Variants in CFAP58 observed in about 807,000 individuals in gnomAD.
The protein encoded by CFAP58 is cilia and flagella associated protein 58.
CFAP58 carries 88 observed loss-of-function variants against 119.5 expected under a neutral mutation model. That is an observed-to-expected ratio of 0.74 (90% CI 0.62 to 0.88). The LOEUF (loss-of-function observed/expected upper bound fraction) is 0.88. CFAP58 is among the 40% of genes least tolerant of loss of function. CFAP58 has a pLI of 0.00. For missense variants in CFAP58, 990 were observed against 1,021.2 expected (o/e 0.97, Z 0.42); for synonymous variants, 365 against 366.3 (o/e 1.00, Z 0.04).
chr10:104,418,307 G>C (rs2012586291), intron 15 of CFAP58, among the ~76,000 whole-genome samples: 8 of 152,216 alleles, frequency 5.3e-5, no homozygotes, highest in Admixed American at 5.2e-4. Context: ...CCAGCACTTT[G>C]GGAGGCCGAG....
chr10:104,371,378 T>G (rs1238217607), intron 7 of CFAP58, among the ~76,000 whole-genome samples: 1 of 152,232 alleles, frequency 6.6e-6, no homozygotes, highest in Admixed American at 6.5e-5. Context: ...GCTTTAGTTC[T>G]TCTTTTCCAC....
intron 11 of CFAP58, among the ~76,000 whole-genome samples, chr10:104,395,706 C>A (rs576415780): frequency 3.4e-4 from 52 of 152,164 alleles, no homozygotes; most frequent in Non-Finnish European, 5.9e-4. Context: ...GTCTGCCAAC[C>A]AAAACCCTGA....
At chr10:104,373,601 C>T (rs2014852091) in intron 7 of CFAP58, among the ~76,000 whole-genome samples, 1 of 152,146 alleles carries the variant, frequency 6.6e-6, no homozygotes, top group South Asian at 2.1e-4. Flanking sequence ...TTGCAGTGAA[C>T]TATGATTGCA....
At chr10:104,423,483 T>C (rs1352665247) in intron 15 of CFAP58, among the ~76,000 whole-genome samples, 5 of 152,108 alleles carry the variant, frequency 3.3e-5, no homozygotes, top group Non-Finnish European at 7.4e-5. Flanking sequence ...AGATGCAGAA[T>C]AATATGTTTC....
rs376696998 is a variant in CFAP58, at chr10:104,447,786, G to T, written c.2345G>T (p.Arg782Leu). The change falls in exon 16 of 18, where the codon CGC (arginine) becomes CTC (leucine). Residue 782 changes from arginine to leucine, a missense_variant. Coordinates refer to ENST00000369704, the MANE Select transcript of CFAP58 (RefSeq NM_001008723.2). Reference protein sequence around the residue: ...EAAEQLKLYRRTLHDKKQQLK... With the variant: ...EAAEQLKLYRLTLHDKKQQLK... ...GCGGAACAGCTGAAGCTGTACCGAC[G>T]CACGCTGCATGACAAGAAGCAGCAG... is the stretch of plus-strand genomic sequence containing the variant. The T allele has an allele frequency of 1.2e-6, 2 of 1,613,892 alleles. No homozygotes were observed. Among genetic ancestry groups the T allele is most frequent in the East Asian group, 2.2e-5 (1 of 44,864 alleles).
intron 12 of CFAP58, among the ~76,000 whole-genome samples, chr10:104,400,007 T>C (rs953766808): frequency 1.3e-5 from 2 of 152,116 alleles, no homozygotes; most frequent in Admixed American, 6.6e-5. Flanking sequence ...AGTTGGTCAG[T>C]GCAAGACAGA....
intron 1 of CFAP58, among the ~76,000 whole-genome samples, chr10:104,357,439 A>G (rs1422391646): frequency 6.6e-6 from 1 of 152,158 alleles, no homozygotes; most frequent in Non-Finnish European, 1.5e-5. Context: ...ATGTGATTTC[A>G]TGATATCTAT....
chr10:104,439,704 T>TAAC (rs60040374), intron 15 of CFAP58, among the ~76,000 whole-genome samples: 9,051 of 151,254 alleles, frequency 0.06, 630 homozygotes, highest in African/African-American at 0.16. Flanking sequence ...GACTCTGTCT[T>TAAC]AACAACAACA....
chr10:104,368,572 G>A lies in CFAP58; in HGVS notation c.930+12G>A. ...CGTTGGAGCTCAAAGTAAACACCAA[G>A]TTACATGTCTGTTCCCTAGCTCTTT... On this transcript the variant is annotated intron_variant, in intron 6 of 17. Transcript: ENST00000369704. The A allele has an allele frequency of 6.2e-7, 1 of 1,613,566 alleles. No homozygotes were observed. The highest frequency in any genetic ancestry group is 8.5e-7 in the Non-Finnish European group (1 of 1,179,670).
intron 11 of CFAP58, among the ~76,000 whole-genome samples, chr10:104,398,823 T>C (rs1394548049): frequency 6.6e-6 from 1 of 152,246 alleles, no homozygotes; most frequent in Non-Finnish European, 1.5e-5. Flanking sequence ...TATATCTTTT[T>C]ATAAATGACA....
intron 15 of CFAP58, among the ~76,000 whole-genome samples, chr10:104,444,457 C>T (rs2013082802): frequency 6.6e-6 from 1 of 152,192 alleles, no homozygotes; most frequent in African/African-American, 2.4e-5. Context: ...AATAGAATTG[C>T]ACGCTTTGTC....
intron 15 of CFAP58, among the ~76,000 whole-genome samples, chr10:104,443,169 GT>G (rs1425484269): frequency 6.6e-6 from 1 of 152,184 alleles, no homozygotes; most frequent in African/African-American, 2.4e-5. Context: ...ATAAAATATT[GT>G]TGGTAGTAAC....
At chr10:104,371,497 C>T (rs1224401284) in intron 7 of CFAP58, among the ~76,000 whole-genome samples, 1 of 152,212 alleles carries the variant, frequency 6.6e-6, no homozygotes, top group Non-Finnish European at 1.5e-5. Context: ...CATCTTTTCT[C>T]TGTCAGTACT....
chr10:104,374,348 G>A (rs2014861059), intron 7 of CFAP58, among the ~76,000 whole-genome samples: 1 of 150,234 alleles, frequency 6.7e-6, no homozygotes, highest in African/African-American at 2.5e-5. Context: ...GGTGACACAC[G>A]CCTGTAGTCC....
intron 8 of CFAP58, among the ~76,000 whole-genome samples, chr10:104,378,830 G>C (rs1364972073): frequency 1.3e-5 from 2 of 151,682 alleles, no homozygotes; most frequent in African/African-American, 2.4e-5. Flanking sequence ...AGATTGCACT[G>C]CTACTTACTC....
At chr10:104,418,051 T>A (rs183392048) in intron 15 of CFAP58, among the ~76,000 whole-genome samples, 1 of 152,356 alleles carries the variant, frequency 6.6e-6, no homozygotes, top group East Asian at 1.9e-4. Context: ...CATATAAAAT[T>A]GTGATGAAGT....
intron 11 of CFAP58, among the ~76,000 whole-genome samples, chr10:104,395,429 G>T (rs1489953336): frequency 3.9e-5 from 6 of 152,218 alleles, no homozygotes; most frequent in African/African-American, 2.4e-5. Context: ...TGGACTTACT[G>T]TTGAACTGGG....
chr10:104,408,274 G>A lies in CFAP58; in HGVS notation c.2256+1481G>A, dbSNP rs7913202. On this transcript the variant is annotated intron_variant, in intron 15 of 17. Transcript: ENST00000369704. ...ATCAGTTTCAATCCTTGATCATTTC[G>A]TGACTTTAAGAGAATTACATACATT... 9.6e-3 allele frequency among the ~76,000 whole-genome samples: 1,458 copies of A among 152,240 alleles called. 27 individuals carry two copies. The highest frequency in any genetic ancestry group is 0.033 in the African/African-American group (1,379 of 41,530).
At chr10:104,348,075 C>T in the CFAP58 span, among the ~76,000 whole-genome samples, 1 of 151,044 alleles carries the variant, frequency 6.6e-6, no homozygotes, top group African/African-American at 2.5e-5. Flanking sequence ...CAGGTCTCCA[C>T]CTTGACCCAT....
Sources: allele counts gnomAD v4.1 joint callset (sites outside exome capture counted in the v4.1 genomes callset), GRCh38; gene constraint gnomAD v4.1.1; transcripts MANE v1.5; gene names NCBI Gene and HGNC (gene_info 2026-07-23, HGNC 2026-07-21).